The following PTPRD variants were observed in gnomAD, a reference collection of about 807,000 sequenced individuals.
The protein encoded by PTPRD is receptor-type tyrosine-protein phosphatase delta.
PTPRD carries 34 observed loss-of-function variants against 214.5 expected under a neutral mutation model. The observed-to-expected ratio is 0.16, with a 90% confidence interval of 0.12 to 0.21. The LOEUF is 0.21. Among genes scored for constraint, PTPRD ranks in the 10% least tolerant of loss-of-function variants. The probability of loss-of-function intolerance (pLI) is 1.00; values close to 1 mark genes in which losing one functional copy is unlikely to be tolerated. For missense variants in PTPRD, 2,545 were observed against 2,398.7 expected (o/e 1.06, Z -1.27); for synonymous variants, 1,128 against 845.7 (o/e 1.33, Z -5.79).
chr9:9,913,657 G>A (rs532140682), intron 5 of PTPRD, among the ~76,000 whole-genome samples: 2 of 152,216 alleles, frequency 1.3e-5, no homozygotes, highest in South Asian at 4.2e-4. Flanking sequence ...CCTATTGCCA[G>A]GAAAAGGTAA....
At chr9:9,299,579 A>C (rs780084149) in intron 9 of PTPRD, among the ~76,000 whole-genome samples, 1 of 151,770 alleles carries the variant, frequency 6.6e-6, no homozygotes, top group Non-Finnish European at 1.5e-5. Context: ...TATAACTCTC[A>C]AAAGGGCCCC....
chr9:10,151,595 A>G (rs1413242143), intron 3 of PTPRD, among the ~76,000 whole-genome samples: 1 of 152,124 alleles, frequency 6.6e-6, no homozygotes, highest in Non-Finnish European at 1.5e-5. Flanking sequence ...TTTAAAAATT[A>G]AAGTTTAACT....
intron 4 of PTPRD, among the ~76,000 whole-genome samples, chr9:10,027,077 T>C (rs2154126101): frequency 6.6e-6 from 1 of 152,320 alleles, no homozygotes; most frequent in Admixed American, 6.5e-5. Context: ...CAATTCTTTC[T>C]ATTAATTCAG....
intron 9 of PTPRD, among the ~76,000 whole-genome samples, chr9:9,339,306 T>C (rs1369029566): frequency 2.0e-5 from 3 of 147,498 alleles, no homozygotes; most frequent in African/African-American, 5.1e-5. Context: ...TGAAACCCCA[T>C]CTCTACTAAA....
chr9:9,559,229 T>C (rs938891550), intron 8 of PTPRD, among the ~76,000 whole-genome samples: 3 of 152,028 alleles, frequency 2.0e-5, no homozygotes, highest in Non-Finnish European at 4.4e-5. Context: ...ACAGGATGAC[T>C]GTAGACTGTC....
At chr9:9,919,898 G>T (rs534652426) in intron 5 of PTPRD, among the ~76,000 whole-genome samples, 1 of 152,158 alleles carries the variant, frequency 6.6e-6, no homozygotes, top group South Asian at 2.1e-4. Context: ...AGGACTTCAG[G>T]AATTACAGTA....
In PTPRD at chr9:10,266,956, C is replaced by T. The variant is rs112279065; in HGVS notation, c.-545+74007G>A. 4.5e-3 allele frequency among the ~76,000 whole-genome samples: 681 copies of T among 151,714 alleles called. 2 individuals are homozygous for T. Among genetic ancestry groups the T allele is most frequent in the Non-Finnish European group, 6.4e-3 (436 of 67,886 alleles). On this transcript the variant is annotated intron_variant, in intron 3 of 45. Transcript: ENST00000381196. ...CTGTAATCCCAGCACTTTGGGAGGC[C>T]GAGGCGGGCGAATCACCAGGTCAGG...
At chr9:10,462,847 T>C (rs1055748817) in intron 2 of PTPRD, among the ~76,000 whole-genome samples, 6 of 151,496 alleles carry the variant, frequency 4.0e-5, no homozygotes, top group African/African-American at 1.5e-4. Flanking sequence ...TAAAAATTAA[T>C]ATACAAATTA....
At chr9:8,367,170 G>A (rs1051358053) in intron 39 of PTPRD, among the ~76,000 whole-genome samples, 22 of 152,106 alleles carry the variant, frequency 1.4e-4, no homozygotes, top group African/African-American at 5.1e-4. Context: ...TATAATTAAA[G>A]TAAGTCTCAC....
At position 10,268,406 on chromosome 9, in the gene PTPRD, T is replaced by TTAG. The variant is rs532707996; in HGVS notation, c.-545+72556_-545+72557insCTA. ...ATGTTCTAAATTTGTAACTATGTAT[T>TTAG]ATACTAATAGTTTTCTTAGGGATTT... On this transcript the variant is annotated intron_variant, in intron 3 of 45. Coordinates refer to ENST00000381196, the MANE Select transcript of PTPRD (RefSeq NM_002839.4). Among the ~76,000 whole-genome samples, 474 of 152,060 alleles carry TTAG rather than the reference T, an allele frequency of 3.1e-3. 1 individual carries two copies. Among genetic ancestry groups the TTAG allele is most frequent in the African/African-American group, 0.011 (449 of 41,488 alleles).
chr9:9,073,766 G>T (rs886895359), intron 10 of PTPRD, among the ~76,000 whole-genome samples: 2 of 152,044 alleles, frequency 1.3e-5, no homozygotes, highest in African/African-American at 2.4e-5. Flanking sequence ...ATATCCTATT[G>T]TGCCTGTTTT....
intron 3 of PTPRD, among the ~76,000 whole-genome samples, chr9:10,086,692 T>C (rs1187528158): frequency 6.6e-6 from 1 of 151,802 alleles, no homozygotes; most frequent in Non-Finnish European, 1.5e-5. Flanking sequence ...ACTGCAGCCC[T>C]AGGAAGAGCT....
intron 3 of PTPRD, among the ~76,000 whole-genome samples, chr9:10,281,001 C>T (rs1479149878): frequency 5.9e-5 from 9 of 152,156 alleles, no homozygotes; most frequent in Non-Finnish European, 7.4e-5. Flanking sequence ...TAGAAAGAAA[C>T]AAATTCTATA....
intron 7 of PTPRD, among the ~76,000 whole-genome samples, chr9:9,683,498 A>T (rs1404180289): frequency 6.6e-6 from 1 of 151,710 alleles, no homozygotes; most frequent in Non-Finnish European, 1.5e-5. Flanking sequence ...TAAAATATGT[A>T]CTTTTTTCCT....
chr9:9,072,447 T>C (rs580780), intron 10 of PTPRD, among the ~76,000 whole-genome samples: 111,283 of 151,490 alleles, frequency 0.73, 41,102 homozygotes, highest in Non-Finnish European at 0.78. Context: ...AACCACTGGG[T>C]AGAGCAGATG....
chr9:8,626,300 T>C (rs1385050980), intron 14 of PTPRD, among the ~76,000 whole-genome samples: 1 of 151,886 alleles, frequency 6.6e-6, no homozygotes. Context: ...AACTCCTTTG[T>C]AATTTTCAGC....
At chr9:8,373,904 ATCT>A (rs2082392364) in intron 39 of PTPRD, among the ~76,000 whole-genome samples, 1 of 97,348 alleles carries the variant, frequency 1.0e-5, no homozygotes, top group East Asian at 2.6e-4. Flanking sequence ...CTATCTATCT[ATCT>A]ATCTATCTAC....
intron 3 of PTPRD, among the ~76,000 whole-genome samples, chr9:10,057,639 T>C (rs953852741): frequency 6.6e-6 from 1 of 152,028 alleles, no homozygotes; most frequent in Non-Finnish European, 1.5e-5. Context: ...GGTCAGGAGT[T>C]ACAGACCATC....
intron 8 of PTPRD, among the ~76,000 whole-genome samples, chr9:9,551,211 C>G (rs1461040625): frequency 6.6e-6 from 1 of 151,836 alleles, no homozygotes; most frequent in Admixed American, 6.6e-5. Context: ...CAACCTGGCG[C>G]TAAATAAACT....
Sources: gnomAD v4.1 joint callset for allele counts (sites outside exome capture counted in the v4.1 genomes callset) on GRCh38, gnomAD v4.1.1 for gene constraint, MANE v1.5 for transcripts, NCBI Gene and HGNC (gene_info 2026-07-23, HGNC 2026-07-21) for gene names.